Variants in MIGA1 observed in about 807,000 individuals in gnomAD.
MIGA1 encodes the protein family with sequence similarity 73, member A.
MIGA1 carries 58 observed loss-of-function variants against 82.0 expected under a neutral mutation model. That is an observed-to-expected ratio of 0.71 (90% CI 0.57 to 0.88). The LOEUF is 0.88. Among genes scored for constraint, MIGA1 ranks in the 40% least tolerant of loss-of-function variants. MIGA1 has a pLI of 0.00. For missense variants in MIGA1, 751 were observed against 749.1 expected (o/e 1.00, Z -0.03); for synonymous variants, 249 against 253.6 (o/e 0.98, Z 0.17).
intron 4 of MIGA1, among the ~76,000 whole-genome samples, chr1:77,806,339 G>A (rs993278699): frequency 3.3e-5 from 5 of 152,292 alleles, no homozygotes; most frequent in South Asian, 4.1e-4. Flanking sequence ...GTGGTCCGTC[G>A]TTGACCCAGA....
At position 77,850,106 on chromosome 1, in the gene MIGA1, A is replaced by T. The variant is rs183025994; in HGVS notation, c.996+6699A>T. 1.7e-3 allele frequency among the ~76,000 whole-genome samples: 255 copies of T among 152,126 alleles called. 1 individual carries two copies. The highest frequency in any genetic ancestry group is 5.6e-3 in the African/African-American group (232 of 41,512). On this transcript the variant is annotated intron_variant, in intron 8 of 15. Coordinates refer to ENST00000370791, the MANE Select transcript of MIGA1 (RefSeq NM_198549.4). ...TCTGTTCCCAAGATAACTCACTCCT[A>T]TGAATGGAAAGTTGGTGCTATCCAT...
intron 8 of MIGA1, chr1:77,847,616 A>G (rs1684893624): frequency 3.2e-6 from 5 of 1,546,812 alleles, no homozygotes; most frequent in Non-Finnish European, 4.4e-6. Context: ...AAGAAGAAAG[A>G]AAAAAGAGGG....
At chr1:77,784,353 TAGCTGGG>T (rs1004770303) in intron 2 of MIGA1, among the ~76,000 whole-genome samples, 15 of 152,094 alleles carry the variant, frequency 9.9e-5, no homozygotes, top group Admixed American at 2.6e-4. Flanking sequence ...GCCTCTCAAG[TAGCTGGG>T]ACTACAGGCA....
At chr1:77,870,778 C>T (rs1244377723) in intron 14 of MIGA1, among the ~76,000 whole-genome samples, 1 of 150,124 alleles carries the variant, frequency 6.7e-6, no homozygotes. Flanking sequence ...CGCCACTGCA[C>T]TCCAGCCTGG....
chr1:77,862,542 G>T (rs981909651), intron 12 of MIGA1, among the ~76,000 whole-genome samples: 4 of 152,148 alleles, frequency 2.6e-5, no homozygotes, highest in African/African-American at 7.2e-5. Context: ...CGTGAGGTCA[G>T]GAGTTTAAGA....
intron 4 of MIGA1, among the ~76,000 whole-genome samples, chr1:77,805,461 C>CTTTTT (rs11408292): frequency 1.8e-5 from 2 of 110,396 alleles, no homozygotes; most frequent in Admixed American, 1.0e-4. Flanking sequence ...TATGCCTATT[C>CTTTTT]TTTTTTTTTT....
chr1:77,791,071 T>C (rs535123775), intron 2 of MIGA1, among the ~76,000 whole-genome samples: 24 of 152,070 alleles, frequency 1.6e-4, no homozygotes, highest in Non-Finnish European at 3.1e-4. Context: ...AGTGAGACCT[T>C]GTCACTACAA....
chr1:77,869,837 C>T (rs1341494798), intron 14 of MIGA1, among the ~76,000 whole-genome samples: 5 of 113,442 alleles, frequency 4.4e-5, no homozygotes, highest in East Asian at 3.0e-4. Flanking sequence ...CCTCACCTCC[C>T]GGACGGGGCG....
In MIGA1 at chr1:77,791,258, A is replaced by C. The variant is rs910327672; in HGVS notation, c.195+7907A>C. Among the ~76,000 whole-genome samples the C allele has an allele frequency of 3.9e-3, 581 of 150,718 alleles. 3 individuals are homozygous for C. Among genetic ancestry groups the C allele is most frequent in the Non-Finnish European group, 5.1e-3 (343 of 67,762 alleles). The stretch of plus-strand genomic sequence containing the variant: ...CCCTGTCTCTTAAAAAAAAAAAAAA[A>C]AAAAAAACAAAAAACTGCTATATAA... On this transcript the variant is annotated intron_variant, in intron 2 of 15. Transcript: ENST00000370791.
chr1:77,863,063 T>G (rs1204462361), intron 12 of MIGA1, among the ~76,000 whole-genome samples: 3 of 152,206 alleles, frequency 2.0e-5, no homozygotes, highest in Non-Finnish European at 4.4e-5. Flanking sequence ...GTTCCCTTAT[T>G]CAGGAAATGA....
intron 13 of MIGA1, 70 bp from the exon 14 acceptor site, chr1:77,866,268 G>C (rs1259408783): frequency 2.1e-6 from 3 of 1,453,798 alleles, no homozygotes; most frequent in South Asian, 2.3e-5. Flanking sequence ...CATAAACTTT[G>C]AATTTCTAAT....
At position 77,806,961 on chromosome 1, in the gene MIGA1, C is replaced by T. The variant is rs1683123542; in HGVS notation, c.511-14C>T. 1 of 1,594,008 alleles carries T rather than the reference C, an allele frequency of 6.3e-7. No individual in the cohort carries two copies. Among genetic ancestry groups the T allele is most frequent in the African/African-American group, 1.3e-5 (1 of 74,082 alleles). On this transcript the variant is annotated splice_polypyrimidine_tract_variant and intron_variant, in intron 4 of 15. Transcript: ENST00000370791. ...AGAGAGATTTGAAGTAACTTCTATC[C>T]ATCTTAATTTTAGGTCCAGAGTGTC... is the stretch of plus-strand genomic sequence containing the variant.
intron 2 of MIGA1, among the ~76,000 whole-genome samples, chr1:77,791,692 T>G (rs924395056): frequency 1.3e-5 from 2 of 151,608 alleles, no homozygotes; most frequent in Admixed American, 6.6e-5. Context: ...GCCTCCTGAT[T>G]TGGTGGGATT....
chr1:77,798,601 C>G (rs1405371044), intron 2 of MIGA1, among the ~76,000 whole-genome samples: 1 of 152,130 alleles, frequency 6.6e-6, no homozygotes, highest in East Asian at 1.9e-4. Context: ...ACTCACAACA[C>G]GTGGGAATTA....
At chr1:77,796,494 C>G (rs1682663279) in intron 2 of MIGA1, among the ~76,000 whole-genome samples, 1 of 151,722 alleles carries the variant, frequency 6.6e-6, no homozygotes, top group Non-Finnish European at 1.5e-5. Flanking sequence ...GCGATAGTAG[C>G]TCACTGCAAC....
intron 5 of MIGA1, among the ~76,000 whole-genome samples, chr1:77,809,289 T>C (rs1396152878): frequency 6.6e-6 from 1 of 152,146 alleles, no homozygotes; most frequent in African/African-American, 2.4e-5. Context: ...CTTTATAAAA[T>C]TGAAGACCTT....
At chr1:77,792,787 T>TTG (rs1198815988) in intron 2 of MIGA1, among the ~76,000 whole-genome samples, 1 of 107,382 alleles carries the variant, frequency 9.3e-6, no homozygotes, top group Non-Finnish European at 2.1e-5. Context: ...GATTGTTTGC[T>TTG]TTTTTTTTTT....
At chr1:77,824,790 A>T (rs533181278) in intron 7 of MIGA1, among the ~76,000 whole-genome samples, 1 of 152,244 alleles carries the variant, frequency 6.6e-6, no homozygotes, top group African/African-American at 2.4e-5. Flanking sequence ...CAGGGTTTGA[A>T]TTATGTTTTA....
At chr1:77,845,806 A>G (rs1351113484) in intron 8 of MIGA1, among the ~76,000 whole-genome samples, 1 of 152,206 alleles carries the variant, frequency 6.6e-6, no homozygotes, top group African/African-American at 2.4e-5. Context: ...GGATTACCAG[A>G]AAGATTTCTT....
Sources: allele counts gnomAD v4.1 joint callset (sites outside exome capture counted in the v4.1 genomes callset), GRCh38; gene constraint gnomAD v4.1.1; transcripts MANE v1.5; gene names NCBI Gene and HGNC (gene_info 2026-07-23, HGNC 2026-07-21).